IGBP1: variants seen among roughly 807,000 people sequenced by gnomAD.
IGBP1 encodes the protein immunoglobulin binding protein 1, also known as immunoglobulin-binding protein 1.
Under a neutral mutation model 25.9 loss-of-function variants are expected in IGBP1, and 2 were observed. That is an observed-to-expected ratio of 0.08 (90% CI 0.03 to 0.24). The LOEUF (loss-of-function observed/expected upper bound fraction) is 0.24, where lower values mean the gene tolerates loss of function less well. IGBP1 is among the 10% of genes least tolerant of loss of function. The pLI is 1.00. For synonymous variants in IGBP1, 96 were observed against 93.4 expected, an observed-to-expected ratio of 1.03 and a Z score of -0.16; for missense variants, 187 against 260.4, an observed-to-expected ratio of 0.72 and a Z score of 1.94.
rs766963752 is a variant in IGBP1, at chrX:70,146,584, A to T, written c.483-49A>T. 7 of 1,058,353 alleles carry T rather than the reference A, an allele frequency of 6.6e-6. No homozygotes were observed. The South Asian group carries it at 1.3e-4, about 20-fold the overall frequency. The allele number at this position is 1,058,353 out of a possible 1,213,427, so 87.2% of individuals were successfully genotyped here. ...TCTTATTGAGGCCTTCTTTTGAAGG[A>T]ATACCTCTTCATTTGTAAGTTCATG... is the stretch of plus-strand genomic sequence containing the variant. On this transcript the variant is annotated intron_variant, in intron 3 of 6. Transcript: ENST00000356413.
chrX:70,161,024 T>C (rs2085268114), intron 6 of IGBP1, among the ~76,000 whole-genome samples: 1 of 111,644 alleles, frequency 9.0e-6, no homozygotes, highest in African/African-American at 3.3e-5. Flanking sequence ...AGAAATTTTA[T>C]TTAAAACTAA....
At chrX:70,142,046 G>T (rs1201631829) in intron 3 of IGBP1, among the ~76,000 whole-genome samples, 1 of 111,818 alleles carries the variant, frequency 8.9e-6, no homozygotes, top group African/African-American at 3.3e-5. Context: ...GAAAAGAGAA[G>T]AGTAGGCCAG....
At chrX:70,137,577 C>T (rs1248412442) in intron 3 of IGBP1, among the ~76,000 whole-genome samples, 18 of 109,580 alleles carry the variant, frequency 1.6e-4, no homozygotes, top group East Asian at 2.8e-4. Flanking sequence ...ATGTAATTTC[C>T]GCTGGTAAGG....
intron 3 of IGBP1, among the ~76,000 whole-genome samples, chrX:70,143,273 A>G (rs1485254823): frequency 3.6e-5 from 4 of 111,462 alleles, no homozygotes; most frequent in Non-Finnish European, 7.5e-5. Context: ...ACCTCAGGCA[A>G]TCCGCCTGCC....
At chrX:70,138,433 A>G (rs1740222582) in intron 3 of IGBP1, among the ~76,000 whole-genome samples, 1 of 99,989 alleles carries the variant, frequency 1.0e-5, no homozygotes, top group South Asian at 5.1e-4. Flanking sequence ...GTGAGCTGTG[A>G]TCGCACCATT....
At chrX:70,137,312 C>T (rs1036311868) in intron 3 of IGBP1, among the ~76,000 whole-genome samples, 1 of 110,536 alleles carries the variant, frequency 9.0e-6, no homozygotes, top group Admixed American at 9.6e-5. Flanking sequence ...AAGAGAAGAT[C>T]GGGGAAGGGG....
intron 3 of IGBP1, among the ~76,000 whole-genome samples, chrX:70,143,775 A>G (rs1433966536): frequency 8.9e-6 from 1 of 111,955 alleles, no homozygotes; most frequent in Non-Finnish European, 1.9e-5. Context: ...ACCAAGGTAA[A>G]TTTTACTTGT....
chrX:70,133,645 T>G lies in IGBP1; in HGVS notation c.-225-78T>G, dbSNP rs1425434574. On this transcript the variant is annotated intron_variant, in intron 1 of 6. Transcript: ENST00000356413. ...CCCGGGCTTCAGAGCCCACAGAACT[T>G]CTCAGCCCCGTGTCGGCGACGAGGA... 1.6e-5 allele frequency: 7 copies of G among 425,404 alleles called. No individual in the cohort carries two copies. The Admixed American group carries it at 3.1e-4, about 19-fold the overall frequency. The allele number at this position is 425,404 out of a possible 1,213,427, so 35.1% of individuals were successfully genotyped here.
intron 6 of IGBP1, among the ~76,000 whole-genome samples, chrX:70,155,508 A>G (rs1417424428): frequency 9.2e-6 from 1 of 108,867 alleles, no homozygotes; most frequent in Admixed American, 9.9e-5. Flanking sequence ...AAAAAAAAAA[A>G]AAAAAAAGAT....
chrX:70,144,040 T>C (rs1382949374), intron 3 of IGBP1, among the ~76,000 whole-genome samples: 1 of 111,812 alleles, frequency 8.9e-6, no homozygotes, highest in Non-Finnish European at 1.9e-5. Context: ...ATACAAAAAT[T>C]AGCTGGGTGT....
chrX:70,162,367 C>G (rs151016869), intron 6 of IGBP1, among the ~76,000 whole-genome samples: 234 of 112,091 alleles, frequency 2.1e-3, no homozygotes, highest in African/African-American at 7.4e-3. Context: ...GAAGGAAAGT[C>G]TGAGAAAGAG....
chrX:70,163,522 G>A (rs771643540), intron 6 of IGBP1, among the ~76,000 whole-genome samples: 4 of 111,877 alleles, frequency 3.6e-5, no homozygotes, highest in Non-Finnish European at 7.5e-5. Context: ...CTTTGTAAAA[G>A]TATTCCAGTT....
chrX:70,154,004 A>C (rs2085219715), intron 6 of IGBP1, among the ~76,000 whole-genome samples: 2 of 110,666 alleles, frequency 1.8e-5, no homozygotes, highest in African/African-American at 3.3e-5. Context: ...AAGCATGAAT[A>C]CCAAGAGGCT....
At chrX:70,138,577 A>T (rs1224341590) in intron 3 of IGBP1, among the ~76,000 whole-genome samples, 1 of 111,677 alleles carries the variant, frequency 9.0e-6, no homozygotes, top group Non-Finnish European at 1.9e-5. Flanking sequence ...TAAATAAAAA[A>T]TAAGCCTCAA....
Position 70,134,582 on chromosome X carries a change from C to T in IGBP1, c.248C>T (p.Ala83Val). Residue 83 changes from alanine to valine, a missense_variant, in exon 3 of 7, where the codon GCG (alanine) becomes GTG (valine). Transcript: ENST00000356413. The stretch of plus-strand genomic sequence containing the variant: ...GACCTGAAGTACCTTTTGGTGCCAG[C>T]GTTTCAAGGAGCCCTCACCATGAAA... ...STDLKYLLVP[A>V]FQGALTMKQV... is the part of the protein sequence containing the mutation. 1 of 1,211,000 alleles carries T rather than the reference C, an allele frequency of 8.3e-7. No individual in the cohort carries two copies. The highest frequency in any genetic ancestry group is 1.7e-5 in the African/African-American group (1 of 57,881).
At chrX:70,148,021 T>C (rs1321872839) in intron 4 of IGBP1, among the ~76,000 whole-genome samples, 1 of 112,261 alleles carries the variant, frequency 8.9e-6, no homozygotes, top group Non-Finnish European at 1.9e-5. Flanking sequence ...GCTGGACTTT[T>C]CTGGGTCCTG....
At position 70,144,816 on chromosome X, in the gene IGBP1, C is replaced by T. The variant is rs751836186; in HGVS notation, c.483-1817C>T. 2.6e-4 allele frequency among the ~76,000 whole-genome samples: 28 copies of T among 107,305 alleles called. No homozygotes were observed. The South Asian group carries it at 0.011, about 43-fold the overall frequency. The allele number at this position is 107,305 out of a possible 115,157, so 93.2% of individuals were successfully genotyped here. A position where few individuals can be genotyped will look rare whatever the true frequency, so the allele number is the denominator to read the frequency against. On this transcript the variant is annotated intron_variant, in intron 3 of 6. Transcript: ENST00000356413. ...CTGGAATTACAGGCGCCTGCCACCACATCCAGCTAATTTTTGTATTTTTAG... is the reference window on the plus strand; with the variant it reads ...CTGGAATTACAGGCGCCTGCCACCATATCCAGCTAATTTTTGTATTTTTAG...
chrX:70,163,348 C>T (rs1352328051), intron 6 of IGBP1, among the ~76,000 whole-genome samples: 2 of 110,067 alleles, frequency 1.8e-5, no homozygotes, highest in Non-Finnish European at 3.8e-5. Flanking sequence ...TGTGAGCCAT[C>T]GTGCCCAGCC....
At chrX:70,143,800 A>G (rs2085147782) in intron 3 of IGBP1, among the ~76,000 whole-genome samples, 1 of 112,262 alleles carries the variant, frequency 8.9e-6, no homozygotes, top group Non-Finnish European at 1.9e-5. Flanking sequence ...TAATTATGGG[A>G]GTTCCGTGGC....
Sources: gnomAD v4.1 joint callset for allele counts (sites outside exome capture counted in the v4.1 genomes callset) on GRCh38, gnomAD v4.1.1 for gene constraint, MANE v1.5 for transcripts, NCBI Gene and HGNC (gene_info 2026-07-23, HGNC 2026-07-21) for gene names.